Variants in UBE2Q2 observed in about 807,000 individuals in gnomAD.
The protein encoded by UBE2Q2 is ubiquitin-conjugating enzyme E2 Q2.
Under a neutral mutation model 59.9 loss-of-function variants are expected in UBE2Q2, and 54 were observed. The ratio of observed to expected loss-of-function variants is 0.90; its 90% CI spans 0.72 to 1.13. The LOEUF is 1.13. UBE2Q2 is among the 50% of genes most tolerant of loss of function. The probability of loss-of-function intolerance (pLI) is 0.00; values close to 1 mark genes in which losing one functional copy is unlikely to be tolerated. For missense variants in UBE2Q2, 433 were observed against 441.9 expected (o/e 0.98, Z 0.18); for synonymous variants, 165 against 155.2 (o/e 1.06, Z -0.47).
At chr15:75,860,137 TA>T (rs1168397163) in intron 3 of UBE2Q2, among the ~76,000 whole-genome samples, 155 bp downstream of exon 3, 1 of 152,248 alleles carries the variant, frequency 6.6e-6, no homozygotes, top group African/African-American at 2.4e-5. Flanking sequence ...TTTTAGGTAC[TA>T]AAAATAAACT....
At chr15:75,894,875 T>G (rs1448769965) in intron 11 of UBE2Q2, among the ~76,000 whole-genome samples, 1 of 152,088 alleles carries the variant, frequency 6.6e-6, no homozygotes, top group African/African-American at 2.4e-5. Flanking sequence ...TCCAGTTTGT[T>G]TCTTTTATTT....
In UBE2Q2 at chr15:75,884,831, T is replaced by C. The variant is rs1656007874; in HGVS notation, c.884+1407T>C. Among the ~76,000 whole-genome samples the C allele has an allele frequency of 3.3e-5, 5 of 152,084 alleles. No homozygotes were observed. In the South Asian group the frequency reaches 1.0e-3, roughly 32 times the overall value. On this transcript the variant is annotated intron_variant, in intron 9 of 12. Coordinates refer to ENST00000267938, the MANE Select transcript of UBE2Q2 (RefSeq NM_173469.4). ...GCCCAGCTAATTTTTGTATTTTTGG[T>C]AGAGATGGTGTTTTGCCATATTGCT...
chr15:75,863,933 C>G (rs1233188024), intron 3 of UBE2Q2, among the ~76,000 whole-genome samples: 1 of 152,120 alleles, frequency 6.6e-6, no homozygotes, highest in Non-Finnish European at 1.5e-5. Context: ...AGCCACTGCA[C>G]CTGGCCCCTC....
chr15:75,856,261 G>A (rs1896901366), intron 2 of UBE2Q2, among the ~76,000 whole-genome samples: 2 of 103,396 alleles, frequency 1.9e-5, no homozygotes, highest in African/African-American at 7.7e-5. Context: ...GTGTGTGTGT[G>A]TGTGTGTGTA....
At chr15:75,872,216 A>G (rs575788332) in intron 4 of UBE2Q2, among the ~76,000 whole-genome samples, 2 of 152,186 alleles carry the variant, frequency 1.3e-5, no homozygotes, top group African/African-American at 4.8e-5. Flanking sequence ...CAACGGAGCG[A>G]GACTCCATCT....
intron 11 of UBE2Q2, among the ~76,000 whole-genome samples, chr15:75,893,607 G>C (rs1293992754): frequency 6.6e-6 from 1 of 152,084 alleles, no homozygotes; most frequent in Non-Finnish European, 1.5e-5. Flanking sequence ...ATAGACCTCT[G>C]TACCCAATAA....
intron 9 of UBE2Q2, among the ~76,000 whole-genome samples, chr15:75,890,007 T>C (rs1343081538): frequency 6.6e-6 from 1 of 152,170 alleles, no homozygotes; most frequent in East Asian, 1.9e-4. Flanking sequence ...CATACAGATC[T>C]TCATAGCATG....
In UBE2Q2 at chr15:75,898,180, G is replaced by A. The variant is rs749520971; in HGVS notation, c.1096+1119G>A. 1.6e-4 allele frequency among the ~76,000 whole-genome samples: 24 copies of A among 152,156 alleles called. No individual in the cohort carries two copies. The East Asian group carries it at 2.1e-3, about 13-fold the overall frequency. On this transcript the variant is annotated intron_variant, in intron 12 of 12. Transcript: ENST00000267938. ...TTTTATAGAGAGCTTAGGTTTTTGCGGAACCTGGGACACAGATTTCTTCTT... is the reference window on the plus strand; with the variant it reads ...TTTTATAGAGAGCTTAGGTTTTTGCAGAACCTGGGACACAGATTTCTTCTT...
chr15:75,848,707 G>A (rs1289901374), intron 1 of UBE2Q2, among the ~76,000 whole-genome samples: 1 of 151,818 alleles, frequency 6.6e-6, no homozygotes, highest in Non-Finnish European at 1.5e-5. Context: ...CTGGAAAAGG[G>A]TAGTATTTGA....
intron 2 of UBE2Q2, 25 bp from the exon 3 acceptor site, chr15:75,859,853 T>C (rs1340456863): frequency 1.3e-6 from 2 of 1,540,286 alleles, no homozygotes; most frequent in Non-Finnish European, 1.8e-6. Context: ...AACATAATGC[T>C]TATTTACTGA....
chr15:75,869,067 GT>G, intron 4 of UBE2Q2, 57 bp downstream of exon 4: 1 of 1,433,164 alleles, frequency 7.0e-7, no homozygotes, highest in Non-Finnish European at 9.6e-7. Context: ...GAACATTTGA[GT>G]AATTCTCAAA....
rs114336664 is a variant in UBE2Q2, at chr15:75,859,035, C to T, written c.283-843C>T. On this transcript the variant is annotated intron_variant, in intron 2 of 12. Transcript: ENST00000267938. ...AGCCACCTAGGAAACTGTTCCTGAC[C>T]GAGTTAAGTGAGTTGCCTTATTAGA... 3.0e-3 allele frequency among the ~76,000 whole-genome samples: 458 copies of T among 152,168 alleles called. 5 individuals carry two copies. Among genetic ancestry groups the T allele is most frequent in the African/African-American group, 0.01 (417 of 41,512 alleles).
intron 1 of UBE2Q2, 200 bp downstream of exon 1, chr15:75,844,046 GTC>G (rs1364599105): frequency 7.1e-7 from 1 of 1,408,204 alleles, no homozygotes; most frequent in East Asian, 2.7e-5. Context: ...CGGAGGGCGC[GTC>G]TTTCCGGCTT....
At chr15:75,870,692 C>T (rs1462958055) in intron 4 of UBE2Q2, among the ~76,000 whole-genome samples, 3 of 152,098 alleles carry the variant, frequency 2.0e-5, no homozygotes, top group Non-Finnish European at 4.4e-5. Flanking sequence ...TGGGAACAGG[C>T]TCAGAACAAC....
At chr15:75,876,369 A>C in intron 6 of UBE2Q2, 98 bp downstream of exon 6, 1 of 1,063,196 alleles carries the variant, frequency 9.4e-7, no homozygotes, top group Non-Finnish European at 1.3e-6. Context: ...AGAAATGGAA[A>C]TGTTTACTAG....
At chr15:75,866,468 C>T (rs935429743) in intron 3 of UBE2Q2, among the ~76,000 whole-genome samples, 21 of 152,176 alleles carry the variant, frequency 1.4e-4, no homozygotes, top group African/African-American at 3.4e-4. Flanking sequence ...CCACCGTGTC[C>T]GGCCTTCAGT....
intron 12 of UBE2Q2, among the ~76,000 whole-genome samples, chr15:75,898,925 A>G (rs1482013681): frequency 1.3e-5 from 2 of 152,160 alleles, no homozygotes; most frequent in African/African-American, 4.8e-5. Context: ...TTCTGTTGTG[A>G]AATAGCAAAA....
chr15:75,890,730 C>T (rs1340043631), intron 10 of UBE2Q2, among the ~76,000 whole-genome samples, 189 bp from the exon 11 acceptor site: 1 of 152,072 alleles, frequency 6.6e-6, no homozygotes, highest in Non-Finnish European at 1.5e-5. Context: ...TCATGTTGGG[C>T]ACTTAGAACA....
chr15:75,881,316 A>G (rs1421890329), intron 8 of UBE2Q2, among the ~76,000 whole-genome samples: 2 of 152,038 alleles, frequency 1.3e-5, no homozygotes, highest in Non-Finnish European at 2.9e-5. Flanking sequence ...CTTTACGGGA[A>G]TATGAAATAT....
Sources: allele counts gnomAD v4.1 joint callset (sites outside exome capture counted in the v4.1 genomes callset), GRCh38; gene constraint gnomAD v4.1.1; transcripts MANE v1.5; gene names NCBI Gene and HGNC (gene_info 2026-07-23, HGNC 2026-07-21).